The following OR2L13 variants were observed in gnomAD, a reference collection of about 807,000 sequenced individuals.
OR2L13 encodes the protein olfactory receptor 2L13.
Under a neutral mutation model 15.3 loss-of-function variants are expected in OR2L13, and 14 were observed. The observed-to-expected ratio is 0.91, with a 90% CI of 0.60 to 1.43. The LOEUF (loss-of-function observed/expected upper bound fraction) is 1.43. Ranked by LOEUF, OR2L13 falls within the 40% of genes most tolerant of loss-of-function variation. OR2L13 has a pLI of 0.00. For synonymous variants in OR2L13, 152 were observed against 142.9 expected (o/e 1.06, Z -0.45); for missense variants, 367 against 387.9 (o/e 0.95, Z 0.45).
At chr1:247,941,525 G>C in the OR2L13 span, among the ~76,000 whole-genome samples, 1 of 152,232 alleles carries the variant, frequency 6.6e-6, no homozygotes, top group East Asian at 1.9e-4. Context: ...GATACTTGGA[G>C]AAATAGACAT....
At chr1:248,067,941 G>A in the OR2L13 span, among the ~76,000 whole-genome samples, 1 of 152,236 alleles carries the variant, frequency 6.6e-6, no homozygotes, top group Admixed American at 6.5e-5. Flanking sequence ...CGAGGCTGGG[G>A]GAGGGGCGCC....
At chr1:247,991,902 T>G in the OR2L13 span, among the ~76,000 whole-genome samples, 1 of 149,570 alleles carries the variant, frequency 6.7e-6, no homozygotes, top group African/African-American at 2.5e-5. Context: ...GAGAAACTCT[T>G]TAATCTCTGA....
chr1:248,090,604 A>G (rs1487912446), upstream of OR2L13, among the ~76,000 whole-genome samples: 1 of 152,178 alleles, frequency 6.6e-6, no homozygotes, highest in Non-Finnish European at 1.5e-5. Context: ...ATGTTGCTGC[A>G]AAGGACATTA....
chr1:248,088,445 T>C, the OR2L13 span, among the ~76,000 whole-genome samples: 1 of 152,238 alleles, frequency 6.6e-6, no homozygotes, highest in African/African-American at 2.4e-5. Flanking sequence ...GTTCCTTTCC[T>C]ATAAAAGATG....
At chr1:247,981,656 A>G in the OR2L13 span, among the ~76,000 whole-genome samples, 5 of 152,216 alleles carry the variant, frequency 3.3e-5, no homozygotes, top group Non-Finnish European at 5.9e-5. Flanking sequence ...ATTATTCTAC[A>G]GTCATAGCGG....
the OR2L13 span, chr1:248,061,103 T>G: frequency 6.2e-7 from 1 of 1,613,936 alleles, no homozygotes; most frequent in South Asian, 1.1e-5. Flanking sequence ...AGAATGTGTG[T>G]GCTGATGATA....
At chr1:248,034,864 G>T in the OR2L13 span, among the ~76,000 whole-genome samples, 5 of 152,334 alleles carry the variant, frequency 3.3e-5, no homozygotes, top group African/African-American at 9.6e-5. Context: ...AATTGTGGGT[G>T]TATAGGAGTG....
chr1:248,067,717 G>T, the OR2L13 span, among the ~76,000 whole-genome samples: 3 of 152,360 alleles, frequency 2.0e-5, no homozygotes, highest in East Asian at 3.9e-4. Flanking sequence ...GAAGCACAAG[G>T]GGTCAGGGAG....
At position 248,098,073 on chromosome 1, in the gene OR2L13, C is replaced by A. The variant is rs1376295599; in HGVS notation, c.-143-578C>A. Among the ~76,000 whole-genome samples the A allele has an allele frequency of 3.3e-5, 5 of 152,160 alleles. No individual in the cohort carries two copies. The South Asian group carries it at 6.2e-4, about 19-fold the overall frequency. On this transcript the variant is annotated intron_variant, in intron 1 of 2. Transcript: ENST00000641714. Reference sequence around the variant, plus strand: ...ACAAAATCAATCTTTATCATACATACCCTGGAAATTAGAAAAGTCGTTTGG... The same window carrying A: ...ACAAAATCAATCTTTATCATACATAACCTGGAAATTAGAAAAGTCGTTTGG...
the OR2L13 span, among the ~76,000 whole-genome samples, chr1:247,969,291 G>T: frequency 1.3e-5 from 2 of 152,194 alleles, no homozygotes; most frequent in South Asian, 4.2e-4. Flanking sequence ...CCATTCTGTA[G>T]GTTGCCTGTT....
At chr1:248,059,192 G>A in the OR2L13 span, among the ~76,000 whole-genome samples, 1 of 152,050 alleles carries the variant, frequency 6.6e-6, no homozygotes, top group Non-Finnish European at 1.5e-5. Flanking sequence ...AGTTGTATAC[G>A]TGGTTATAGT....
chr1:247,943,874 A>G, the OR2L13 span, among the ~76,000 whole-genome samples: 2 of 152,202 alleles, frequency 1.3e-5, no homozygotes, highest in African/African-American at 4.8e-5. Context: ...ACTATAAAGT[A>G]AACATCCAAC....
At chr1:247,967,236 T>G in the OR2L13 span, among the ~76,000 whole-genome samples, 1 of 152,176 alleles carries the variant, frequency 6.6e-6, no homozygotes, top group East Asian at 1.9e-4. Context: ...TGTTTGTTTT[T>G]TTGTTTTTTT....
the OR2L13 span, among the ~76,000 whole-genome samples, chr1:247,961,159 C>T: frequency 6.6e-6 from 1 of 152,064 alleles, no homozygotes; most frequent in East Asian, 1.9e-4. Flanking sequence ...TTTTCAGAAA[C>T]ACAGAAGAAT....
the OR2L13 span, among the ~76,000 whole-genome samples, chr1:248,050,173 T>C: frequency 3.3e-5 from 5 of 152,106 alleles, no homozygotes; most frequent in African/African-American, 4.8e-5. Context: ...TCCTACTCAC[T>C]CTGAAATAGT....
chr1:248,089,845 A>T, the OR2L13 span, among the ~76,000 whole-genome samples: 1 of 152,086 alleles, frequency 6.6e-6, no homozygotes, highest in African/African-American at 2.4e-5. Flanking sequence ...GAGAGTTAAC[A>T]TTGTTTTCTG....
At chr1:247,974,456 A>G in the OR2L13 span, among the ~76,000 whole-genome samples, 1 of 152,114 alleles carries the variant, frequency 6.6e-6, no homozygotes, top group Admixed American at 6.6e-5. Context: ...TTTGACAGAG[A>G]GAAAAAAGAG....
the OR2L13 span, among the ~76,000 whole-genome samples, chr1:248,004,456 AT>A: frequency 4.6e-5 from 7 of 152,350 alleles, no homozygotes; most frequent in South Asian, 2.1e-4. Flanking sequence ...AAACAAAAAA[AT>A]ATCTCTTGAC....
At chr1:248,008,714 C>T in the OR2L13 span, among the ~76,000 whole-genome samples, 2 of 152,106 alleles carry the variant, frequency 1.3e-5, no homozygotes, top group African/African-American at 2.4e-5. Flanking sequence ...AACTATTCAC[C>T]CCAAATCAAT....
Sources: gnomAD v4.1 joint callset for allele counts (sites outside exome capture counted in the v4.1 genomes callset) on GRCh38, gnomAD v4.1.1 for gene constraint, MANE v1.5 for transcripts, NCBI Gene and HGNC (gene_info 2026-07-23, HGNC 2026-07-21) for gene names.